The following TMEM218 variants were observed in gnomAD, a reference collection of about 807,000 sequenced individuals.
TMEM218 encodes the protein transmembrane protein 218.
A neutral mutation model predicts 10.0 loss-of-function variants in TMEM218; 8 were observed. The ratio of observed to expected loss-of-function variants is 0.80; its 90% CI spans 0.47 to 1.44. TMEM218 has a LOEUF of 1.44. Among genes scored for constraint, TMEM218 ranks in the 40% most tolerant of loss-of-function variants. The probability of loss-of-function intolerance (pLI) is 0.00; values close to 1 mark genes in which losing one functional copy is unlikely to be tolerated. For synonymous variants in TMEM218, 66 were observed against 63.5 expected, an observed-to-expected ratio of 1.04 and a Z score of -0.18; for missense variants, 110 against 140.1, an observed-to-expected ratio of 0.79 and a Z score of 1.08.
Position 125,108,150 on chromosome 11 carries a change from G to C in TMEM218, c.-153+3389C>G, listed in dbSNP as rs185690373. On this transcript the variant is annotated intron_variant, in intron 1 of 4. Transcript: ENST00000682305. The surrounding 1 kb of genome is among the most constrained non-coding windows in gnomAD (Gnocchi z 5.3). ...ACTAGGATGGCAACTTGCCTTTCTT[G>C]TTACCAACTGCCGCAAGACACATTG... Among the ~76,000 whole-genome samples, 1 of 152,272 alleles carries C rather than the reference G, an allele frequency of 6.6e-6. No homozygotes were observed. The highest frequency in any genetic ancestry group is 2.4e-5 in the African/African-American group (1 of 41,556).
chr11:125,099,936 A>AAG (rs1334939690), intron 4 of TMEM218, among the ~76,000 whole-genome samples: 1 of 151,034 alleles, frequency 6.6e-6, no homozygotes, highest in East Asian at 1.9e-4. Flanking sequence ...AAAAAAAAAA[A>AAG]AAAAAAGATA....
chr11:125,110,144 T>A (rs1205655833), intron 1 of TMEM218, among the ~76,000 whole-genome samples: 1 of 151,724 alleles, frequency 6.6e-6, no homozygotes, highest in Non-Finnish European at 1.5e-5. Flanking sequence ...GAGAATAATA[T>A]CTGTGATAAT....
intron 4 of TMEM218, among the ~76,000 whole-genome samples, chr11:125,098,872 C>CG (rs1950146010): frequency 6.6e-6 from 1 of 152,064 alleles, no homozygotes; most frequent in African/African-American, 2.4e-5. Context: ...ATGTCACTGG[C>CG]TCTGAAGATG....
chr11:125,109,935 GA>G, intron 1 of TMEM218, among the ~76,000 whole-genome samples: 1 of 152,326 alleles, frequency 6.6e-6, no homozygotes, highest in Non-Finnish European at 1.5e-5. Context: ...AAGAGTTCGT[GA>G]GACATTGGAT....
chr11:125,100,293 G>A (rs1950496127), intron 4 of TMEM218, among the ~76,000 whole-genome samples: 1 of 152,182 alleles, frequency 6.6e-6, no homozygotes, highest in Admixed American at 6.5e-5. Context: ...CTCTTGCTAT[G>A]TGACCTTGGG....
chr11:125,099,513 T>C (rs1052841042), intron 4 of TMEM218, among the ~76,000 whole-genome samples: 2 of 152,210 alleles, frequency 1.3e-5, no homozygotes, highest in East Asian at 1.9e-4. Flanking sequence ...CTGAAACTCA[T>C]ATGACAGACA....
chr11:125,101,931 A>G (rs1239871061), intron 3 of TMEM218: 1 of 624,776 alleles, frequency 1.6e-6, no homozygotes, highest in Non-Finnish European at 2.6e-6. Context: ...GAACTCAAGA[A>G]CACTACTTCC....
At chr11:125,102,338 C>T (rs1411552265) in intron 2 of TMEM218, 21 bp from the exon 3 acceptor site, 1 of 1,546,900 alleles carries the variant, frequency 6.5e-7, no homozygotes, top group Non-Finnish European at 8.7e-7. Context: ...AGCATTCAGA[C>T]AAATACAGAA....
At chr11:125,102,838 T>C in intron 1 of TMEM218, 29 bp from the exon 2 acceptor site, 1 of 609,268 alleles carries the variant, frequency 1.6e-6, no homozygotes, top group Non-Finnish European at 2.5e-6. Flanking sequence ...CCATCACTAT[T>C]TTTGAACATT....
chr11:125,102,134 C>G lies in TMEM218; in HGVS notation c.108G>C (p.Ala36=). The change falls in exon 3 of 5, where the codon GCG becomes GCC. Residue 36 remains alanine, a splice_region_variant and synonymous_variant. Transcript: ENST00000682305. ...CCCAGTTGGACAGAATGCCTTACCT[C>G]GCCGCCCCGGAGGCTCTGGACAGCA... is the stretch of plus-strand genomic sequence containing the variant. ...CVLLSRASGA[A]RFSVIFLFFG... 1 of 1,552,958 alleles carries G rather than the reference C, an allele frequency of 6.4e-7. No homozygotes were observed. The highest frequency in any genetic ancestry group is 8.7e-7 in the Non-Finnish European group (1 of 1,154,516).
intron 4 of TMEM218, among the ~76,000 whole-genome samples, chr11:125,098,598 A>T (rs532333889): frequency 6.6e-6 from 1 of 152,368 alleles, no homozygotes; most frequent in South Asian, 2.1e-4. Context: ...GAGAATCCAA[A>T]ACAGCTGAAA....
rs1201267177 is a variant in TMEM218 at position 125,095,784 on chromosome 11, C to G, written c.*1822G>C. 6.6e-6 allele frequency among the ~76,000 whole-genome samples: 1 copy of G among 152,206 alleles called. No individual in the cohort carries two copies. The highest frequency in any genetic ancestry group is 1.5e-5 in the Non-Finnish European group (1 of 68,050). On this transcript the variant is annotated 3_prime_UTR_variant, in exon 5 of 5. Coordinates refer to ENST00000682305, the MANE Select transcript of TMEM218 (RefSeq NM_001258244.2). ...CCATCTAAATAGTCACCCAAAACCT[C>G]ATAGTTATTATCCATTGATCTAATA...
intron 1 of TMEM218, chr11:125,104,301 G>C (rs1271750750): frequency 6.6e-6 from 1 of 152,188 alleles, no homozygotes; most frequent in African/African-American, 2.4e-5. Flanking sequence ...CACGCCCGGG[G>C]TTTCCCCATC....
intron 1 of TMEM218, among the ~76,000 whole-genome samples, chr11:125,105,384 A>C (rs374699203): frequency 1.3e-5 from 2 of 152,348 alleles, no homozygotes; most frequent in African/African-American, 2.4e-5. Context: ...GTTTTCAGAC[A>C]TACAAAGGGT....
intron 4 of TMEM218, 89 bp downstream of exon 4, chr11:125,101,112 G>T: frequency 1.9e-6 from 2 of 1,076,314 alleles, no homozygotes; most frequent in Non-Finnish European, 2.7e-6. Context: ...GCAACCCGAT[G>T]TCAGGGAACA....
At chr11:125,101,474 AG>A in intron 3 of TMEM218, 171 bp from the exon 4 acceptor site, 1 of 1,531,906 alleles carries the variant, frequency 6.5e-7, no homozygotes. Context: ...CTTCCTAGAC[AG>A]GTACCAGCTG....
intron 1 of TMEM218, chr11:125,110,693 G>C (rs142699374): frequency 1.2e-3 from 190 of 152,310 alleles, no homozygotes; most frequent in African/African-American, 4.4e-3. Flanking sequence ...CCTAAGTGCT[G>C]CTGCTGGAGG....
At chr11:125,099,370 C>CATGT (rs1241196094) in intron 4 of TMEM218, among the ~76,000 whole-genome samples, 1 of 152,202 alleles carries the variant, frequency 6.6e-6, no homozygotes, top group Admixed American at 6.5e-5. Flanking sequence ...AGGCCCAGGC[C>CATGT]ATGTATTATT....
chr11:125,101,410 C>T, intron 3 of TMEM218, 107 bp from the exon 4 acceptor site: 1 of 1,519,476 alleles, frequency 6.6e-7, no homozygotes, highest in Non-Finnish European at 8.8e-7. Context: ...TGTTTCAGTC[C>T]CTTAACAATG....
Sources: allele counts gnomAD v4.1 joint callset (sites outside exome capture counted in the v4.1 genomes callset), GRCh38; gene constraint gnomAD v4.1.1; non-coding constraint Gnocchi (gnomAD v3.1); transcripts MANE v1.5; gene names NCBI Gene and HGNC (gene_info 2026-07-23, HGNC 2026-07-21).